The following HS1BP3 variants were observed in gnomAD, a reference collection of about 807,000 sequenced individuals.
HS1BP3 encodes the protein HCLS1 binding protein 3.
A neutral mutation model predicts 33.5 loss-of-function variants in HS1BP3; 32 were observed. That is an observed-to-expected ratio of 0.95 (90% confidence interval 0.72 to 1.28). The LOEUF (loss-of-function observed/expected upper bound fraction) is 1.28. Among genes scored for constraint, HS1BP3 ranks in the 50% most tolerant of loss-of-function variants. The pLI is 0.00. For synonymous variants in HS1BP3, 187 were observed against 209.2 expected (o/e 0.89, Z 0.92); for missense variants, 486 against 502.3 (o/e 0.97, Z 0.31).
downstream of HS1BP3, among the ~76,000 whole-genome samples, chr2:20,616,945 G>T (rs906860390): frequency 1.3e-5 from 2 of 152,090 alleles, no homozygotes; most frequent in African/African-American, 4.8e-5. Flanking sequence ...ATATCTGGGG[G>T]TCTTTGTGAT....
intron 5 of HS1BP3, among the ~76,000 whole-genome samples, chr2:20,563,313 A>G (rs1186204820): frequency 1.3e-5 from 2 of 152,218 alleles, no homozygotes; most frequent in Admixed American, 1.3e-4. Context: ...CCAGAGAGGG[A>G]AGGGCCACAG....
chr2:20,575,605 A>G (rs903232487), intron 5 of HS1BP3, among the ~76,000 whole-genome samples: 5 of 152,236 alleles, frequency 3.3e-5, no homozygotes, highest in Non-Finnish European at 7.3e-5. Context: ...GTGAGGAGCC[A>G]GGCACTGGGG....
intron 4 of HS1BP3, among the ~76,000 whole-genome samples, chr2:20,629,798 C>A (rs1167517890): frequency 1.3e-5 from 2 of 152,230 alleles, no homozygotes; most frequent in East Asian, 3.8e-4. Context: ...GTTCTGCAGG[C>A]GGGCGTGCAG....
intron 4 of HS1BP3, among the ~76,000 whole-genome samples, chr2:20,633,373 T>C (rs2149297127): frequency 6.6e-6 from 1 of 152,370 alleles, no homozygotes; most frequent in East Asian, 1.9e-4. Flanking sequence ...CAGCCTGTTT[T>C]ATGTACTGGG....
At chr2:20,640,393 C>T (rs1483786389) in intron 3 of HS1BP3, 1 of 190,668 alleles carries the variant, frequency 5.2e-6, no homozygotes, top group Admixed American at 6.0e-5. Context: ...GATGAGAAAA[C>T]TGAGGAGAGA....
intron 3 of HS1BP3, 31 bp from the exon 4 acceptor site, chr2:20,638,683 G>A (rs767271011): frequency 3.2e-6 from 5 of 1,567,264 alleles, no homozygotes; most frequent in Non-Finnish European, 4.4e-6. Context: ...GAATGGACTT[G>A]GTAACCACCC....
intron 6 of HS1BP3, 39 bp downstream of exon 6, chr2:20,623,857 T>G: frequency 6.3e-7 from 1 of 1,595,740 alleles, no homozygotes; most frequent in Non-Finnish European, 8.5e-7. Flanking sequence ...TCCAGAACAC[T>G]CTCAGAGCTG....
chr2:20,644,368 A>G (rs575049426), intron 2 of HS1BP3, among the ~76,000 whole-genome samples: 2 of 151,748 alleles, frequency 1.3e-5, no homozygotes, highest in Admixed American at 6.6e-5. Context: ...TCTGCCTTCC[A>G]CTTCTGTTCT....
At chr2:20,599,609 AACACACACACACACACACAC>A (rs59149167) in intron 2 of HS1BP3, among the ~76,000 whole-genome samples, 2 of 136,220 alleles carry the variant, frequency 1.5e-5, no homozygotes, top group African/African-American at 5.5e-5. Flanking sequence ...CTTCTTGTGT[AACACACACACACACACACAC>A]ACACACACAC....
intron 5 of HS1BP3, among the ~76,000 whole-genome samples, chr2:20,585,805 C>A (rs192870271): frequency 6.6e-6 from 1 of 152,224 alleles, no homozygotes; most frequent in Non-Finnish European, 1.5e-5. Flanking sequence ...ACAGCAGCCC[C>A]GTCATGGGAT....
At chr2:20,613,668 A>C (rs1181268227), downstream of HS1BP3, among the ~76,000 whole-genome samples, 1 of 152,286 alleles carries the variant, frequency 6.6e-6, no homozygotes, top group Non-Finnish European at 1.5e-5. Flanking sequence ...TGCAAAGGAC[A>C]GAACTTTATA....
chr2:20,603,109 C>A (rs1445083825), intron 2 of HS1BP3, among the ~76,000 whole-genome samples: 2 of 152,142 alleles, frequency 1.3e-5, no homozygotes, highest in Non-Finnish European at 2.9e-5. Context: ...GAAATGGGAA[C>A]CTTCATATCA....
At chr2:20,568,517 A>G (rs1201573192) in intron 5 of HS1BP3, among the ~76,000 whole-genome samples, 1 of 152,192 alleles carries the variant, frequency 6.6e-6, no homozygotes. Flanking sequence ...CAACAGGATC[A>G]GACTTGTGGC....
intron 2 of HS1BP3, among the ~76,000 whole-genome samples, chr2:20,598,966 G>T (rs1249813778): frequency 1.3e-5 from 2 of 152,158 alleles, no homozygotes; most frequent in East Asian, 3.9e-4. Context: ...CCTGACAAGG[G>T]GTCCCGGGAG....
intron 5 of HS1BP3, among the ~76,000 whole-genome samples, chr2:20,572,730 G>T (rs187502394): frequency 6.6e-5 from 10 of 152,282 alleles, no homozygotes; most frequent in African/African-American, 1.4e-4. Flanking sequence ...GTCTCTTCAG[G>T]GTACTGGAGC....
chr2:20,577,400 T>G (rs1693426688), intron 5 of HS1BP3, among the ~76,000 whole-genome samples: 1 of 152,154 alleles, frequency 6.6e-6, no homozygotes, highest in Admixed American at 6.5e-5. Context: ...AGAGCATGAT[T>G]CTTGGGGTTG....
chr2:20,627,173 G>A (rs1392392693), intron 4 of HS1BP3, among the ~76,000 whole-genome samples: 2 of 152,212 alleles, frequency 1.3e-5, no homozygotes, highest in Non-Finnish European at 2.9e-5. Context: ...ACTGCGGTGG[G>A]GAAGGGTGGA....
intron 6 of HS1BP3, 21 bp downstream of exon 6, chr2:20,623,875 G>A (rs751105693): frequency 9.3e-6 from 15 of 1,605,406 alleles, no homozygotes; most frequent in Middle Eastern, 2.1e-4. Flanking sequence ...CTGGCCAAGC[G>A]CCGCTGGGGA....
chr2:20,592,881 T>C (rs1693851121), intron 3 of HS1BP3: 1 of 152,232 alleles, frequency 6.6e-6, no homozygotes, highest in Non-Finnish European at 1.5e-5. Context: ...AGATTCCTTT[T>C]CCAAATAAAG....
Sources: gnomAD v4.1 joint callset for allele counts (sites outside exome capture counted in the v4.1 genomes callset) on GRCh38, gnomAD v4.1.1 for gene constraint, MANE v1.5 for transcripts, NCBI Gene and HGNC (gene_info 2026-07-23, HGNC 2026-07-21) for gene names.